Variants in ZC3H12B observed in about 807,000 individuals in gnomAD.
ZC3H12B encodes zinc finger CCCH-type containing 12B.
A neutral mutation model predicts 43.9 loss-of-function variants in ZC3H12B; 7 were observed. The ratio of observed to expected loss-of-function variants is 0.16; its 90% confidence interval spans 0.09 to 0.30. The LOEUF is 0.30. ZC3H12B is among the 10% of genes least tolerant of loss of function. ZC3H12B has a pLI of 1.00. For synonymous variants in ZC3H12B, 222 were observed against 241.7 expected, an observed-to-expected ratio of 0.92 and a Z score of 0.76; for missense variants, 475 against 670.2, an observed-to-expected ratio of 0.71 and a Z score of 3.22.
At chrX:65,284,939 A>G in the ZC3H12B span, among the ~76,000 whole-genome samples, 1 of 111,535 alleles carries the variant, frequency 9.0e-6, no homozygotes, top group African/African-American at 3.2e-5. Context: ...CTCCAATTAA[A>G]TAAAAATAAA....
the ZC3H12B span, among the ~76,000 whole-genome samples, chrX:65,111,531 A>G: frequency 9.7e-6 from 1 of 103,074 alleles, no homozygotes; most frequent in Non-Finnish European, 1.9e-5. Context: ...AAGTATTGCA[A>G]TTTTTATTTT....
chrX:65,225,554 G>T, the ZC3H12B span, among the ~76,000 whole-genome samples: 3 of 112,308 alleles, frequency 2.7e-5, no homozygotes, highest in African/African-American at 9.7e-5. Context: ...AGAGAAGAAG[G>T]CTTCAGACGA....
the ZC3H12B span, among the ~76,000 whole-genome samples, chrX:65,247,725 G>A: frequency 8.9e-6 from 1 of 111,913 alleles, no homozygotes; most frequent in African/African-American, 3.3e-5. Flanking sequence ...ACTGGGGACT[G>A]TTGGTGGGGA....
chrX:65,357,230 T>A, the ZC3H12B span: 1 of 380,153 alleles, frequency 2.6e-6, no homozygotes, highest in Non-Finnish European at 4.8e-6. Context: ...CATGAGAATA[T>A]CCAGGCAGTT....
chrX:65,268,208 G>T, the ZC3H12B span, among the ~76,000 whole-genome samples: 5 of 112,010 alleles, frequency 4.5e-5, no homozygotes, highest in Non-Finnish European at 9.4e-5. Context: ...TACCATGATT[G>T]AATCAGGAAG....
chrX:65,149,047 G>C, the ZC3H12B span, among the ~76,000 whole-genome samples: 1 of 111,563 alleles, frequency 9.0e-6, no homozygotes, highest in Non-Finnish European at 1.9e-5. Context: ...GTGTTTCTCT[G>C]TGTTTTTTTG....
chrX:65,213,420 A>T, the ZC3H12B span, among the ~76,000 whole-genome samples: 4 of 111,461 alleles, frequency 3.6e-5, no homozygotes, highest in Admixed American at 3.9e-4. Flanking sequence ...CACTTGGCTC[A>T]TAGGGTATAC....
At chrX:65,439,230 G>A (rs1478559265) in intron 3 of ZC3H12B, among the ~76,000 whole-genome samples, 2 of 111,887 alleles carry the variant, frequency 1.8e-5, no homozygotes. Context: ...ACATCCTTAT[G>A]TTAAGCTCCT....
chrX:65,134,657 G>A, the ZC3H12B span, among the ~76,000 whole-genome samples: 3 of 111,483 alleles, frequency 2.7e-5, no homozygotes, highest in East Asian at 2.8e-4. Flanking sequence ...GTGAGGGTGA[G>A]GACAGAGGAC....
chrX:65,414,385 T>A (rs1270200593), intron 3 of ZC3H12B, among the ~76,000 whole-genome samples: 1 of 111,515 alleles, frequency 9.0e-6, no homozygotes, highest in African/African-American at 3.3e-5. Context: ...GTGTTCTATG[T>A]TTTTCTACTA....
At chrX:65,323,076 A>C in the ZC3H12B span, among the ~76,000 whole-genome samples, 5 of 111,492 alleles carry the variant, frequency 4.5e-5, no homozygotes, top group Admixed American at 9.5e-5. Flanking sequence ...CTTATTTTGG[A>C]TTATGTTGTC....
At chrX:65,187,278 T>A in the ZC3H12B span, 1 of 111,982 alleles carries the variant, frequency 8.9e-6, no homozygotes, top group Non-Finnish European at 1.9e-5. Context: ...TTTAGACCAC[T>A]GGGAAAAAGT....
At chrX:65,159,602 A>G in the ZC3H12B span, among the ~76,000 whole-genome samples, 1 of 112,149 alleles carries the variant, frequency 8.9e-6, no homozygotes, top group African/African-American at 3.2e-5. Flanking sequence ...TGATATATGT[A>G]CATTGATTTT....
rs562041873 is a variant in ZC3H12B at position 65,461,986 on chromosome X, A to AAAAT, written n.408-26644_408-26641dup. On this transcript the variant is annotated intron_variant and non_coding_transcript_variant, in intron 3 of 5. Transcript: ENST00000617377. Reference sequence around the variant, plus strand: ...GATCTCCAAAAACCTATAGAAATAAAAAATAAATAAATAAATAAAATATAA... The same window carrying AAAAT: ...GATCTCCAAAAACCTATAGAAATAAAAAATAAATAAATAAATAAATAAAATATAA... 3.0e-4 allele frequency among the ~76,000 whole-genome samples: 33 copies of AAAAT among 110,766 alleles called. No homozygotes were observed. In the South Asian group the frequency reaches 0.01, roughly 34 times the overall value.
rs567490913 is a variant in ZC3H12B at position 65,413,101 on chromosome X, T to C, written n.407+14397T>C. Among the ~76,000 whole-genome samples, 7 of 111,475 alleles carry C rather than the reference T, an allele frequency of 6.3e-5. No individual in the cohort carries two copies. The East Asian group carries it at 1.4e-3, about 22-fold the overall frequency. On this transcript the variant is annotated intron_variant and non_coding_transcript_variant, in intron 3 of 5. Transcript: ENST00000617377. ...GCCTTTGTATATCTTTGTAGAGAAA[T>C]ATCTATTTCAAATCCTTTCCCCATT...
At chrX:65,445,343 C>T (rs766171143) in intron 3 of ZC3H12B, among the ~76,000 whole-genome samples, 5 of 112,186 alleles carry the variant, frequency 4.5e-5, no homozygotes, top group Admixed American at 2.8e-4. Context: ...TTATTCTCAT[C>T]TTTCTGGAGA....
chrX:65,269,292 C>T, the ZC3H12B span, among the ~76,000 whole-genome samples: 7 of 108,022 alleles, frequency 6.5e-5, no homozygotes, highest in Non-Finnish European at 9.6e-5. Flanking sequence ...TTGCAGTGAA[C>T]GAAGATTGCA....
the ZC3H12B span, among the ~76,000 whole-genome samples, chrX:65,282,154 G>T: frequency 9.0e-6 from 1 of 111,081 alleles, no homozygotes; most frequent in Non-Finnish European, 1.9e-5. Flanking sequence ...TCAGTACTTA[G>T]AAAGCAAAAT....
At chrX:65,308,167 C>T in the ZC3H12B span, among the ~76,000 whole-genome samples, 2 of 109,976 alleles carry the variant, frequency 1.8e-5, no homozygotes, top group Non-Finnish European at 3.8e-5. Context: ...TTAAGAAAAT[C>T]AAAATTATAT....
Sources: gnomAD v4.1 joint callset for allele counts (sites outside exome capture counted in the v4.1 genomes callset) on GRCh38, gnomAD v4.1.1 for gene constraint, MANE v1.5 for transcripts, NCBI Gene and HGNC (gene_info 2026-07-23, HGNC 2026-07-21) for gene names.